The following DNTT variants were observed in gnomAD, a reference collection of about 807,000 sequenced individuals.
DNTT encodes the protein DNA nucleotidylexotransferase.
DNTT carries 47 observed loss-of-function variants against 60.9 expected under a neutral mutation model. The ratio of observed to expected loss-of-function variants is 0.77; its 90% CI spans 0.61 to 0.98. The LOEUF (loss-of-function observed/expected upper bound fraction) is 0.98, where lower values mean the gene tolerates loss of function less well. Among genes scored for constraint, DNTT ranks in the 50% least tolerant of loss-of-function variants. DNTT has a pLI of 0.00. For synonymous variants in DNTT, 224 were observed against 221.2 expected (o/e 1.01, Z -0.11); for missense variants, 665 against 627.5 (o/e 1.06, Z -0.64).
At position 96,308,753 on chromosome 10, in the gene DNTT, A is replaced by G. The variant is rs1844672523; in HGVS notation, c.203+4053A>G. 2.0e-5 allele frequency among the ~76,000 whole-genome samples: 3 copies of G among 152,214 alleles called. No individual in the cohort carries two copies. The South Asian group carries it at 6.2e-4, about 31-fold the overall frequency. ...AGGTTTTGGGATAGGCGGTGGAGTTAGGAGCAATGTTTTGTGGGCAGGGGG... is the reference window on the plus strand; with the variant it reads ...AGGTTTTGGGATAGGCGGTGGAGTTGGGAGCAATGTTTTGTGGGCAGGGGG... On this transcript the variant is annotated intron_variant, in intron 1 of 10. Coordinates refer to ENST00000371174, the MANE Select transcript of DNTT (RefSeq NM_004088.4).
Position 96,318,665 on chromosome 10 carries a change from G to A in DNTT, c.378+139G>A, listed in dbSNP as rs1193253387. 8 of 973,182 alleles carry A rather than the reference G, an allele frequency of 8.2e-6. No individual in the cohort carries two copies. The Admixed American group carries it at 2.5e-4, about 31-fold the overall frequency. 60.3% of individuals were successfully genotyped at this position (973,182 alleles called of 1,614,324 possible). The stretch of plus-strand genomic sequence containing the variant: ...CTTGGGCAAGTCACTTAGCTTTACT[G>A]AGCTTCAGTCTCTTCCTTTATAATA... On this transcript the variant is annotated intron_variant, in intron 2 of 10. Coordinates refer to ENST00000371174, the MANE Select transcript of DNTT (RefSeq NM_004088.4).
At chr10:96,331,548 C>CA (rs1455782080) in intron 8 of DNTT, among the ~76,000 whole-genome samples, 1 of 152,116 alleles carries the variant, frequency 6.6e-6, no homozygotes, top group Admixed American at 6.5e-5. Context: ...TTGTAACCCC[C>CA]AGCTTTCACG....
intron 1 of DNTT, among the ~76,000 whole-genome samples, chr10:96,307,768 T>G (rs1844661048): frequency 8.6e-6 from 1 of 115,668 alleles, no homozygotes; most frequent in Non-Finnish European, 1.7e-5. Context: ...CATATATATA[T>G]ATATATATAT....
chr10:96,326,832 A>C (rs1408419434), intron 6 of DNTT, among the ~76,000 whole-genome samples: 1 of 152,110 alleles, frequency 6.6e-6, no homozygotes, highest in Non-Finnish European at 1.5e-5. Context: ...TCATCTCCTC[A>C]CCAATACTTC....
intron 10 of DNTT, among the ~76,000 whole-genome samples, chr10:96,336,816 C>T (rs911278315): frequency 2.6e-5 from 4 of 151,524 alleles, no homozygotes; most frequent in African/African-American, 9.7e-5. Flanking sequence ...GCGGCTCGCA[C>T]ACACCCAGCT....
intron 8 of DNTT, among the ~76,000 whole-genome samples, chr10:96,330,858 C>T (rs1844998960): frequency 6.6e-6 from 1 of 152,172 alleles, no homozygotes; most frequent in Admixed American, 6.5e-5. Context: ...GCAAACCTTC[C>T]AATTGCTTCT....
At chr10:96,337,023 A>C (rs1845081852) in intron 10 of DNTT, among the ~76,000 whole-genome samples, 1 of 151,988 alleles carries the variant, frequency 6.6e-6, no homozygotes, top group Admixed American at 6.6e-5. Flanking sequence ...GAGTTGTCTC[A>C]GTTACAAATG....
At chr10:96,311,735 C>G (rs1844716704) in intron 1 of DNTT, among the ~76,000 whole-genome samples, 1 of 152,252 alleles carries the variant, frequency 6.6e-6, no homozygotes, top group African/African-American at 2.4e-5. Context: ...TCTCCACCTC[C>G]TGGGTTCAAG....
intron 1 of DNTT, among the ~76,000 whole-genome samples, chr10:96,314,787 A>C (rs1337065775): frequency 1.3e-5 from 2 of 152,128 alleles, no homozygotes; most frequent in Non-Finnish European, 2.9e-5. Flanking sequence ...GTGATGTATA[A>C]AGTGTGCCTA....
chr10:96,307,734 AG>A (rs1221894621), intron 1 of DNTT, among the ~76,000 whole-genome samples: 6 of 72,572 alleles, frequency 8.3e-5, no homozygotes, highest in South Asian at 4.9e-4. Flanking sequence ...TATATATATA[AG>A]CATATATATG....
Position 96,324,370 on chromosome 10 carries a change from T to C in DNTT, c.855T>C (p.Phe285=). 6.2e-7 allele frequency: 1 copy of C among 1,613,848 alleles called. No homozygotes were observed. The highest frequency in any genetic ancestry group is 1.1e-5 in the South Asian group (1 of 91,054). The change falls in exon 6 of 11, where the codon TTT becomes TTC. Residue 285 remains phenylalanine (F), a synonymous_variant. Transcript: ENST00000371174. ...SKVRSDKSLK[F]TRMQKAGFLY... is the part of the protein sequence containing the mutation. ...TAAGGTCGGACAAAAGCCTGAAATT[T>C]ACACGAATGCAGAAAGCAGGTAAAT... is the stretch of plus-strand genomic sequence containing the variant.
intron 7 of DNTT, 115 bp from the exon 8 acceptor site, chr10:96,328,610 C>A: frequency 4.0e-6 from 4 of 991,998 alleles, no homozygotes; most frequent in South Asian, 3.8e-5. Context: ...AAAAAAAAGT[C>A]AAGAACCTTC....
intron 7 of DNTT, among the ~76,000 whole-genome samples, chr10:96,328,169 A>C (rs1276139725): frequency 2.0e-5 from 3 of 152,194 alleles, no homozygotes; most frequent in African/African-American, 7.2e-5. Context: ...CTTCACAAGG[A>C]TGTATGTTGT....
intron 9 of DNTT, among the ~76,000 whole-genome samples, 194 bp downstream of exon 9, chr10:96,332,790 C>T (rs1258738954): frequency 6.6e-6 from 1 of 152,158 alleles, no homozygotes; most frequent in Non-Finnish European, 1.5e-5. Context: ...AACAGTTATT[C>T]CCAGTGTGTG....
At chr10:96,321,651 G>A (rs1844881607) in intron 4 of DNTT, among the ~76,000 whole-genome samples, 1 of 152,014 alleles carries the variant, frequency 6.6e-6, no homozygotes, top group Non-Finnish European at 1.5e-5. Context: ...CATTTTATAG[G>A]GTGACAACTG....
At chr10:96,333,813 C>CAGAG (rs371346454) in intron 9 of DNTT, among the ~76,000 whole-genome samples, 48 of 152,254 alleles carry the variant, frequency 3.2e-4, no homozygotes, top group Middle Eastern at 6.8e-3. Flanking sequence ...TGGTGGTTAG[C>CAGAG]AGAGGCTGGG....
chr10:96,334,866 C>T (rs966719523), intron 9 of DNTT, among the ~76,000 whole-genome samples: 42 of 152,134 alleles, frequency 2.8e-4, no homozygotes, highest in African/African-American at 8.4e-4. Context: ...TTGACATTTG[C>T]CCATTTTATT....
At chr10:96,316,972 A>G (rs1272106281) in intron 1 of DNTT, among the ~76,000 whole-genome samples, 1 of 152,212 alleles carries the variant, frequency 6.6e-6, no homozygotes, top group Non-Finnish European at 1.5e-5. Context: ...ATCAGATTCT[A>G]TCAAAAAAAG....
intron 9 of DNTT, among the ~76,000 whole-genome samples, chr10:96,333,152 G>T (rs1030304524): frequency 3.9e-5 from 6 of 152,152 alleles, no homozygotes; most frequent in African/African-American, 1.4e-4. Flanking sequence ...TTAAAAATGG[G>T]CAAAGGACTT....
Sources: allele counts gnomAD v4.1 joint callset (sites outside exome capture counted in the v4.1 genomes callset), GRCh38; gene constraint gnomAD v4.1.1; transcripts MANE v1.5; gene names NCBI Gene and HGNC (gene_info 2026-07-23, HGNC 2026-07-21).